OXSR1: variants seen among roughly 807,000 people sequenced by gnomAD.
OXSR1 encodes oxidative stress responsive kinase 1, also known as serine/threonine-protein kinase OSR1.
Under a neutral mutation model 79.8 loss-of-function variants are expected in OXSR1, and 24 were observed. The observed-to-expected ratio is 0.30, with a 90% CI of 0.22 to 0.42. OXSR1 has a LOEUF of 0.42. Ranked by LOEUF, OXSR1 falls within the 10% of genes least tolerant of loss-of-function variation. The pLI, the probability that OXSR1 is intolerant of heterozygous loss-of-function variation, is 1.00. For missense variants in OXSR1, 430 were observed against 618.4 expected, an observed-to-expected ratio of 0.70 and a Z score of 3.23; for synonymous variants, 226 against 209.2, an observed-to-expected ratio of 1.08 and a Z score of -0.69.
chr3:38,234,705 A>C (rs191900886), intron 10 of OXSR1, among the ~76,000 whole-genome samples: 181 of 152,380 alleles, frequency 1.2e-3, no homozygotes, highest in Non-Finnish European at 1.6e-3. Flanking sequence ...GCCTAAACAA[A>C]GTCACCAGGT....
At chr3:38,166,274 C>T (rs1701454117) in intron 1 of OXSR1, among the ~76,000 whole-genome samples, 1 of 151,978 alleles carries the variant, frequency 6.6e-6, no homozygotes, top group South Asian at 2.1e-4. Context: ...ACAGGCCTTT[C>T]CGAGGCTGTG....
intron 1 of OXSR1, among the ~76,000 whole-genome samples, chr3:38,166,486 T>C (rs908747419): frequency 6.6e-6 from 1 of 151,788 alleles, no homozygotes; most frequent in Non-Finnish European, 1.5e-5. Context: ...AGACATTAAA[T>C]AAGAAGACAA....
At chr3:38,179,390 T>C (rs1452120868) in intron 1 of OXSR1, among the ~76,000 whole-genome samples, 2 of 151,920 alleles carry the variant, frequency 1.3e-5, no homozygotes, top group Non-Finnish European at 2.9e-5. Flanking sequence ...GGGTCTCGAA[T>C]TCCTGGACTC....
At chr3:38,198,241 A>G (rs1300522263) in intron 3 of OXSR1, among the ~76,000 whole-genome samples, 9 of 152,178 alleles carry the variant, frequency 5.9e-5, no homozygotes, top group Non-Finnish European at 1.2e-4. Flanking sequence ...AACCTGAAAA[A>G]TAATTTTAGT....
chr3:38,199,064 T>C (rs1702116026), intron 4 of OXSR1, among the ~76,000 whole-genome samples: 1 of 152,058 alleles, frequency 6.6e-6, no homozygotes, highest in East Asian at 1.9e-4. Context: ...ACAGGAAAAA[T>C]TCATAATTTC....
At chr3:38,200,592 G>C (rs535885498) in intron 4 of OXSR1, among the ~76,000 whole-genome samples, 136 of 152,224 alleles carry the variant, frequency 8.9e-4, no homozygotes, top group African/African-American at 3.2e-3. Flanking sequence ...TACACCATTT[G>C]GTTTGGGACC....
At chr3:38,166,750 A>G (rs1701469562) in intron 1 of OXSR1, among the ~76,000 whole-genome samples, 1 of 146,568 alleles carries the variant, frequency 6.8e-6, no homozygotes, top group South Asian at 2.2e-4. Flanking sequence ...AGATCGCGCC[A>G]CTGCACTCCA....
intron 2 of OXSR1, among the ~76,000 whole-genome samples, chr3:38,189,424 T>G (rs935141135): frequency 1.3e-5 from 2 of 152,192 alleles, no homozygotes; most frequent in Non-Finnish European, 2.9e-5. Flanking sequence ...TCATATTTAC[T>G]TAGCTTTTAG....
At chr3:38,175,251 A>G (rs1426706858) in intron 1 of OXSR1, among the ~76,000 whole-genome samples, 1 of 152,170 alleles carries the variant, frequency 6.6e-6, no homozygotes, top group Non-Finnish European at 1.5e-5. Flanking sequence ...GATTTGATTC[A>G]TTTAATTCAT....
chr3:38,215,617 GTGTT>G (rs1702467624), intron 4 of OXSR1, among the ~76,000 whole-genome samples: 1 of 152,086 alleles, frequency 6.6e-6, no homozygotes, highest in African/African-American at 2.4e-5. Flanking sequence ...TTTTTTAGTT[GTGTT>G]TAGGTTTTTA....
At chr3:38,251,541 G>GT (rs1703257144) in intron 16 of OXSR1, 70 bp downstream of exon 16, 10 of 1,241,482 alleles carry the variant, frequency 8.1e-6, no homozygotes, top group Non-Finnish European at 1.2e-5. Flanking sequence ...AGAAAAGCAG[G>GT]TTTTTTATTC....
Position 38,252,332 on chromosome 3 carries a change from A to G in OXSR1, c.1449A>G (p.Ala483=), listed in dbSNP as rs1203369458. The stretch of plus-strand genomic sequence containing the variant: ...TCTCTGTTTGTATGATTACAGTGGC[A>G]GCTAATTTGCAGAAAATTGTGGAAG... ...LVDGRDLVIV[A]ANLQKIVEEP... The change falls in exon 17 of 18, where the codon GCA becomes GCG. Residue 483 remains alanine, a synonymous_variant. Transcript: ENST00000311806. 9.3e-6 allele frequency: 15 copies of G among 1,605,160 alleles called. No homozygotes were observed. The highest frequency in any genetic ancestry group is 1.2e-5 in the Non-Finnish European group (14 of 1,171,926).
At chr3:38,179,808 CT>C (rs34935629) in intron 1 of OXSR1, among the ~76,000 whole-genome samples, 15,235 of 144,444 alleles carry the variant, frequency 0.11, 800 homozygotes, top group Middle Eastern at 0.19. Context: ...TGGAAATAAT[CT>C]TTTTTTTTTT....
chr3:38,228,413 A>G (rs1348977556), intron 8 of OXSR1, among the ~76,000 whole-genome samples: 2 of 152,224 alleles, frequency 1.3e-5, no homozygotes, highest in South Asian at 2.1e-4. Context: ...GCACTTTCAC[A>G]TTTATTCAGC....
intron 16 of OXSR1, 27 bp downstream of exon 16, chr3:38,251,498 G>A: frequency 6.4e-7 from 1 of 1,562,344 alleles, no homozygotes; most frequent in Non-Finnish European, 8.8e-7. Context: ...CTGCTCATGT[G>A]CTCCTGTGTC....
intron 12 of OXSR1, among the ~76,000 whole-genome samples, chr3:38,243,533 A>G (rs147477753): frequency 3.9e-5 from 6 of 152,268 alleles, no homozygotes; most frequent in South Asian, 2.1e-4. Context: ...GAGAAAGACA[A>G]TCATTTCTGT....
At chr3:38,227,566 C>T (rs996374725) in intron 8 of OXSR1, among the ~76,000 whole-genome samples, 4 of 151,022 alleles carry the variant, frequency 2.6e-5, no homozygotes, top group African/African-American at 9.9e-5. Flanking sequence ...CACACACACA[C>T]ACACACACAC....
chr3:38,184,954 G>GTTTTTTTTTTTTTTTTTTTTTTTTTTT (rs1559503629), intron 2 of OXSR1, among the ~76,000 whole-genome samples: 1 of 96,228 alleles, frequency 1.0e-5, no homozygotes, highest in African/African-American at 4.1e-5. Context: ...TTTTTTTTGG[G>GTTTTTTTTTTTTTTTTTTTTTTTTTTT]TTTCTTTGAG....
chr3:38,183,010 A>G lies in OXSR1; in HGVS notation c.78A>G (p.Gly26=). The stretch of plus-strand genomic sequence containing the variant: ...TTATGTATTTGTTTTTAGGGAGTGG[A>G]GCAACTGCTGTAGTCCAAGCAGCTT... ...DYELQEVIGS[G]ATAVVQAAYC... is the part of the protein sequence containing the mutation. Residue 26 remains glycine, a synonymous_variant, in exon 2 of 18, where the codon GGA becomes GGG. Coordinates refer to ENST00000311806, the MANE Select transcript of OXSR1 (RefSeq NM_005109.3). 1.3e-6 allele frequency: 2 copies of G among 1,599,142 alleles called. No individual in the cohort carries two copies. The highest frequency in any genetic ancestry group is 1.7e-6 in the Non-Finnish European group (2 of 1,169,638).
Sources: allele counts gnomAD v4.1 joint callset (sites outside exome capture counted in the v4.1 genomes callset), GRCh38; gene constraint gnomAD v4.1.1; transcripts MANE v1.5; gene names NCBI Gene and HGNC (gene_info 2026-07-23, HGNC 2026-07-21).